Variants in GRM5 observed in about 807,000 individuals in gnomAD.
GRM5 encodes glutamate metabotropic receptor 5.
In GRM5, 19 loss-of-function variants were observed where a neutral mutation model predicts 83.1. The observed-to-expected ratio is 0.23, with a 90% CI of 0.16 to 0.34. The LOEUF is 0.34. GRM5 is among the 10% of genes least tolerant of loss of function. The probability of loss-of-function intolerance (pLI) is 1.00; values close to 1 mark genes in which losing one functional copy is unlikely to be tolerated. For synonymous variants in GRM5, 675 were observed against 633.6 expected (o/e 1.07, Z -0.98); for missense variants, 1,160 against 1,588.3 (o/e 0.73, Z 4.58).
At chr11:88,547,271 G>A (rs905481558) in intron 8 of GRM5, among the ~76,000 whole-genome samples, 2 of 152,118 alleles carry the variant, frequency 1.3e-5, no homozygotes, top group African/African-American at 4.8e-5. Flanking sequence ...GTGATCCCAG[G>A]TATGAAAGTG....
chr11:89,028,621 T>G lies in GRM5; in HGVS notation c.661+18591A>C, dbSNP rs1219733726. Among the ~76,000 whole-genome samples the G allele has an allele frequency of 2.6e-5, 4 of 152,066 alleles. No homozygotes were observed. In the East Asian group the frequency reaches 7.7e-4, roughly 29 times the overall value. On this transcript the variant is annotated intron_variant, in intron 2 of 9. Transcript: ENST00000305447. ...AAGACAAAAACAAATCCAAAACACATTTGAAGTACTATAATTTTTAGCCAT... is the reference window on the plus strand; with the variant it reads ...AAGACAAAAACAAATCCAAAACACAGTTGAAGTACTATAATTTTTAGCCAT...
chr11:88,704,957 T>G (rs1035693297), intron 3 of GRM5, among the ~76,000 whole-genome samples: 5 of 152,084 alleles, frequency 3.3e-5, no homozygotes, highest in Non-Finnish European at 5.9e-5. Context: ...TTTCCTTTAT[T>G]TTGTAATTTT....
intron 9 of GRM5, among the ~76,000 whole-genome samples, chr11:88,516,174 A>G (rs1365338337): frequency 6.6e-6 from 1 of 152,222 alleles, no homozygotes; most frequent in Admixed American, 6.5e-5. Context: ...AAAGTGAACT[A>G]TATGATCTTG....
intron 3 of GRM5, among the ~76,000 whole-genome samples, chr11:88,801,209 G>T (rs184728580): frequency 6.6e-6 from 1 of 152,052 alleles, no homozygotes; most frequent in Non-Finnish European, 1.5e-5. Context: ...TGCTGGTAGG[G>T]AATAAGAAAA....
intron 2 of GRM5, among the ~76,000 whole-genome samples, chr11:88,996,365 C>T (rs534407946): frequency 1.3e-5 from 2 of 152,244 alleles, no homozygotes; most frequent in East Asian, 3.9e-4. Context: ...CCATGCAACA[C>T]AAATCAAGTT....
chr11:88,551,955 G>T (rs1257553970), intron 8 of GRM5, among the ~76,000 whole-genome samples: 1 of 152,016 alleles, frequency 6.6e-6, no homozygotes, highest in African/African-American at 2.4e-5. Context: ...GGTGTGTGAG[G>T]TGTATGTTTT....
intron 3 of GRM5, among the ~76,000 whole-genome samples, chr11:88,752,654 A>G (rs1020792124): frequency 1.3e-5 from 2 of 152,246 alleles, no homozygotes; most frequent in Non-Finnish European, 1.5e-5. Flanking sequence ...GACAGTGCTA[A>G]GCAAAAAGGA....
intron 2 of GRM5, among the ~76,000 whole-genome samples, chr11:89,020,327 C>T (rs1328299701): frequency 6.6e-6 from 1 of 152,170 alleles, no homozygotes; most frequent in African/African-American, 2.4e-5. Context: ...ATGTCACATC[C>T]ATTTTCCACC....
In GRM5 at chr11:88,816,310, G is replaced by A. The variant is rs1461450406; in HGVS notation, c.911+33596C>T. Reference sequence around the variant, plus strand: ...AATCCCAGCACTCTGGGAGGCCTAGGCAGGTGGATCATGAGATTAGGAATT... The same window carrying A: ...AATCCCAGCACTCTGGGAGGCCTAGACAGGTGGATCATGAGATTAGGAATT... On this transcript the variant is annotated intron_variant, in intron 3 of 9. Coordinates refer to ENST00000305447, the MANE Select transcript of GRM5 (RefSeq NM_001143831.3). 4.0e-5 allele frequency among the ~76,000 whole-genome samples: 6 copies of A among 150,672 alleles called. No homozygotes were observed. In the South Asian group the frequency reaches 6.3e-4, roughly 16 times the overall value.
At chr11:88,791,923 C>T (rs939680274) in intron 3 of GRM5, among the ~76,000 whole-genome samples, 5 of 152,044 alleles carry the variant, frequency 3.3e-5, no homozygotes, top group African/African-American at 7.2e-5. Context: ...TGTAACATCC[C>T]ATTTTAGCTT....
At chr11:89,062,881 C>A (rs1260564620) in intron 1 of GRM5, among the ~76,000 whole-genome samples, 1 of 152,262 alleles carries the variant, frequency 6.6e-6, no homozygotes, top group African/African-American at 2.4e-5. Flanking sequence ...CCTTGGCATG[C>A]CGCTCATGCC....
intron 1 of GRM5, among the ~76,000 whole-genome samples, chr11:89,056,892 A>C (rs535985381): frequency 1.5e-3 from 228 of 152,292 alleles, no homozygotes; most frequent in African/African-American, 5.3e-3. Flanking sequence ...CATTATAGAA[A>C]ACAATAGACA....
chr11:88,680,610 C>T (rs1940454580), intron 3 of GRM5, among the ~76,000 whole-genome samples: 1 of 152,120 alleles, frequency 6.6e-6, no homozygotes, highest in Non-Finnish European at 1.5e-5. Context: ...TACCATTTGA[C>T]CCAGCCATCC....
At chr11:88,636,250 G>A (rs1212279688) in intron 4 of GRM5, among the ~76,000 whole-genome samples, 2 of 152,182 alleles carry the variant, frequency 1.3e-5, no homozygotes, top group African/African-American at 4.8e-5. Context: ...GGTGGCTCAC[G>A]CTTGTAATCC....
At chr11:89,035,653 A>C (rs1194492791) in intron 2 of GRM5, among the ~76,000 whole-genome samples, 1 of 151,980 alleles carries the variant, frequency 6.6e-6, no homozygotes, top group Non-Finnish European at 1.5e-5. Context: ...GGTAGTATTA[A>C]TAATATATTA....
At chr11:88,944,343 T>A (rs535627657) in intron 2 of GRM5, among the ~76,000 whole-genome samples, 10 of 152,072 alleles carry the variant, frequency 6.6e-5, no homozygotes, top group South Asian at 2.1e-4. Context: ...TGTGTTTGGG[T>A]CACAGTGGGA....
intron 3 of GRM5, among the ~76,000 whole-genome samples, chr11:88,832,437 T>C (rs1455600146): frequency 1.3e-5 from 2 of 151,968 alleles, no homozygotes; most frequent in East Asian, 3.9e-4. Flanking sequence ...CAAAGAAAAC[T>C]ACAAAATTCT....
At chr11:88,898,545 T>C (rs1481284189) in intron 2 of GRM5, among the ~76,000 whole-genome samples, 2 of 151,946 alleles carry the variant, frequency 1.3e-5, no homozygotes, top group Non-Finnish European at 2.9e-5. Flanking sequence ...AAATAAACTA[T>C]GGAAAACCAA....
At chr11:88,714,081 C>T (rs955076863) in intron 3 of GRM5, among the ~76,000 whole-genome samples, 2 of 151,958 alleles carry the variant, frequency 1.3e-5, no homozygotes, top group Non-Finnish European at 2.9e-5. Context: ...TTTTAGCTTT[C>T]ATATCTTTCA....
Sources: gnomAD v4.1 joint callset for allele counts (sites outside exome capture counted in the v4.1 genomes callset) on GRCh38, gnomAD v4.1.1 for gene constraint, MANE v1.5 for transcripts, NCBI Gene and HGNC (gene_info 2026-07-23, HGNC 2026-07-21) for gene names.